MYO1E: variants seen among roughly 807,000 people sequenced by gnomAD.
The protein encoded by MYO1E is myosin IE.
In MYO1E, 68 loss-of-function variants were observed where a neutral mutation model predicts 151.1. The observed-to-expected ratio is 0.45, with a 90% CI of 0.37 to 0.55. The LOEUF (loss-of-function observed/expected upper bound fraction) is 0.55, where lower values mean the gene tolerates loss of function less well. Among genes scored for constraint, MYO1E ranks in the 20% least tolerant of loss-of-function variants. MYO1E has a pLI of 0.00. For missense variants in MYO1E, 1,363 were observed against 1,389.3 expected (o/e 0.98, Z 0.30); for synonymous variants, 601 against 501.7 (o/e 1.20, Z -2.64).
At chr15:59,305,822 G>A (rs1208068340) in intron 1 of MYO1E, among the ~76,000 whole-genome samples, 1 of 152,190 alleles carries the variant, frequency 6.6e-6, no homozygotes, top group East Asian at 1.9e-4. Flanking sequence ...TGTGACATAA[G>A]TGGAAGGGGT....
intron 3 of MYO1E, among the ~76,000 whole-genome samples, chr15:59,260,774 T>C (rs2080220003): frequency 6.6e-6 from 1 of 152,174 alleles, no homozygotes; most frequent in Admixed American, 6.5e-5. Context: ...CTCTATTTTT[T>C]TACCCATAAC....
chr15:59,291,229 A>C (rs1281575718), intron 1 of MYO1E, among the ~76,000 whole-genome samples: 1 of 152,222 alleles, frequency 6.6e-6, no homozygotes, highest in Non-Finnish European at 1.5e-5. Flanking sequence ...CCAAAATATG[A>C]AGAAAAGCAG....
At chr15:59,184,740 C>T (rs924528994) in intron 18 of MYO1E, among the ~76,000 whole-genome samples, 2 of 152,206 alleles carry the variant, frequency 1.3e-5, no homozygotes, top group Admixed American at 6.5e-5. Context: ...AATAGTGCTG[C>T]CATAAACACA....
intron 9 of MYO1E, chr15:59,218,362 G>A: frequency 1.7e-6 from 1 of 579,286 alleles, no homozygotes; most frequent in Non-Finnish European, 3.2e-6. Flanking sequence ...CAAGAAGGAT[G>A]GCAAACCTAT....
At chr15:59,319,533 A>T (rs534689435) in intron 1 of MYO1E, among the ~76,000 whole-genome samples, 1 of 141,320 alleles carries the variant, frequency 7.1e-6, no homozygotes, top group Non-Finnish European at 1.5e-5. Flanking sequence ...CCAAGATAGG[A>T]AAAGAAGTCA....
chr15:59,365,840 G>C (rs77673372), intron 1 of MYO1E, among the ~76,000 whole-genome samples: 1 of 152,122 alleles, frequency 6.6e-6, no homozygotes, highest in East Asian at 1.9e-4. Flanking sequence ...TAATTGTTCC[G>C]CCTTTGAGGC....
intron 1 of MYO1E, among the ~76,000 whole-genome samples, chr15:59,292,296 GA>G (rs1387009107): frequency 6.6e-6 from 1 of 152,202 alleles, no homozygotes; most frequent in Non-Finnish European, 1.5e-5. Context: ...GTCTCCAAAT[GA>G]AAAGCCTTAA....
At chr15:59,184,982 T>C (rs2079687033) in intron 18 of MYO1E, among the ~76,000 whole-genome samples, 1 of 152,222 alleles carries the variant, frequency 6.6e-6, no homozygotes, top group South Asian at 2.1e-4. Flanking sequence ...AAAGCCATTT[T>C]AACTGAGGTG....
chr15:59,306,052 C>T (rs527277449), intron 1 of MYO1E, among the ~76,000 whole-genome samples: 2 of 152,128 alleles, frequency 1.3e-5, no homozygotes, highest in Non-Finnish European at 2.9e-5. Flanking sequence ...AAAACTCCCT[C>T]GTAATTACAG....
chr15:59,311,187 C>T (rs960575026), intron 1 of MYO1E, among the ~76,000 whole-genome samples: 13 of 152,070 alleles, frequency 8.5e-5, no homozygotes, highest in Admixed American at 5.9e-4. Flanking sequence ...CAGTCTCCAA[C>T]GTTTTTGACA....
intron 1 of MYO1E, among the ~76,000 whole-genome samples, chr15:59,302,822 A>C (rs1045492587): frequency 6.6e-6 from 1 of 152,244 alleles, no homozygotes; most frequent in Non-Finnish European, 1.5e-5. Flanking sequence ...GAAAGTAAAT[A>C]AAAGACACTT....
chr15:59,181,114 G>A (rs8035671), intron 18 of MYO1E, among the ~76,000 whole-genome samples: 1 of 151,998 alleles, frequency 6.6e-6, no homozygotes, highest in Non-Finnish European at 1.5e-5. Context: ...TGGCAGCCAG[G>A]AGAACGCTCT....
chr15:59,353,047 T>G (rs2080832430), intron 1 of MYO1E, among the ~76,000 whole-genome samples: 1 of 152,134 alleles, frequency 6.6e-6, no homozygotes, highest in African/African-American at 2.4e-5. Flanking sequence ...TCAGCACACC[T>G]AGATCTAGCC....
At chr15:59,235,466 A>G (rs187000738) in intron 5 of MYO1E, among the ~76,000 whole-genome samples, 1 of 152,336 alleles carries the variant, frequency 6.6e-6, no homozygotes, top group East Asian at 1.9e-4. Context: ...GTAATTAATG[A>G]TACATCTTGG....
At chr15:59,268,108 G>A (rs2140379113) in intron 2 of MYO1E, among the ~76,000 whole-genome samples, 1 of 152,284 alleles carries the variant, frequency 6.6e-6, no homozygotes, top group South Asian at 2.1e-4. Context: ...ATTAAACATA[G>A]GAGAGGAAAA....
intron 3 of MYO1E, among the ~76,000 whole-genome samples, chr15:59,258,463 T>G (rs781228706): frequency 6.6e-6 from 1 of 152,266 alleles, no homozygotes; most frequent in Non-Finnish European, 1.5e-5. Flanking sequence ...GTTTGAATAG[T>G]TGGCCACCTT....
At chr15:59,372,389 C>A (rs2080952204) in intron 1 of MYO1E, 109 bp downstream of exon 1, 1 of 1,373,504 alleles carries the variant, frequency 7.3e-7, no homozygotes, top group Non-Finnish European at 1.0e-6. Flanking sequence ...CCCGCGTCCA[C>A]CTTCTCCACC....
chr15:59,223,381 T>C (rs1215761230), intron 8 of MYO1E, among the ~76,000 whole-genome samples, 190 bp from the exon 9 acceptor site: 1 of 151,670 alleles, frequency 6.6e-6, no homozygotes, highest in Non-Finnish European at 1.5e-5. Flanking sequence ...TAGCTTGTGA[T>C]GACAGCAGGA....
chr15:59,261,380 G>C (rs778437386), intron 3 of MYO1E, 40 bp downstream of exon 3: 2 of 1,392,694 alleles, frequency 1.4e-6, no homozygotes, highest in Non-Finnish European at 2.0e-6. Context: ...CATCATAAAA[G>C]CCCTAAATAA....
Sources: allele counts gnomAD v4.1 joint callset (sites outside exome capture counted in the v4.1 genomes callset), GRCh38; gene constraint gnomAD v4.1.1; transcripts MANE v1.5; gene names NCBI Gene and HGNC (gene_info 2026-07-23, HGNC 2026-07-21).